STPG4: variants seen among roughly 807,000 people sequenced by gnomAD.
The protein encoded by STPG4 is sperm-tail PG-rich repeat containing 4, also known as protein STPG4.
In STPG4, 41 loss-of-function variants were observed where a neutral mutation model predicts 31.5. The observed-to-expected ratio is 1.30, with a 90% confidence interval of 1.01 to 1.69. The LOEUF (loss-of-function observed/expected upper bound fraction) is 1.69, where lower values mean the gene tolerates loss of function less well. Ranked by LOEUF, STPG4 falls within the 40% of genes most tolerant of loss-of-function variation. The pLI, the probability that STPG4 is intolerant of heterozygous loss-of-function variation, is 0.00. For missense variants in STPG4, 375 were observed against 293.4 expected (o/e 1.28, Z -2.03); for synonymous variants, 141 against 103.0 (o/e 1.37, Z -2.24).
At chr2:47,104,745 A>C (rs940850056) in intron 5 of STPG4, among the ~76,000 whole-genome samples, 1 of 151,940 alleles carries the variant, frequency 6.6e-6, no homozygotes, top group African/African-American at 2.4e-5. Context: ...CCAGTTTGGA[A>C]GCCTCATGCC....
intron 3 of STPG4, among the ~76,000 whole-genome samples, chr2:47,138,118 A>C (rs917231347): frequency 6.6e-6 from 1 of 152,052 alleles, no homozygotes; most frequent in Non-Finnish European, 1.5e-5. Context: ...CAATACTATA[A>C]ATTTCCCTCT....
chr2:47,100,229 C>G (rs1359791671), intron 5 of STPG4, among the ~76,000 whole-genome samples: 2 of 151,990 alleles, frequency 1.3e-5, no homozygotes, highest in Non-Finnish European at 2.9e-5. Context: ...ACCTTTATGT[C>G]TAGCTCAGGG....
At chr2:47,090,015 C>A (rs1217741735) in intron 6 of STPG4, among the ~76,000 whole-genome samples, 1 of 152,234 alleles carries the variant, frequency 6.6e-6, no homozygotes, top group Non-Finnish European at 1.5e-5. Context: ...CTGCTTCCAA[C>A]TGGCCCCATA....
At chr2:47,149,011 C>T (rs368344246) in intron 3 of STPG4, among the ~76,000 whole-genome samples, 2 of 152,308 alleles carry the variant, frequency 1.3e-5, no homozygotes, top group African/African-American at 4.8e-5. Flanking sequence ...CATACTATAT[C>T]TACCCCAAAT....
intron 5 of STPG4, among the ~76,000 whole-genome samples, chr2:47,117,668 C>A (rs1023143467): frequency 6.6e-6 from 1 of 152,146 alleles, no homozygotes; most frequent in African/African-American, 2.4e-5. Context: ...GGATAACTGA[C>A]CTTAGACTAT....
In STPG4 at chr2:47,105,181, G is replaced by A. The variant is rs576723137; in HGVS notation, c.520-14807C>T. On this transcript the variant is annotated intron_variant, in intron 5 of 6. Transcript: ENST00000445927. ...CTCTTTATACGTCACAGAGAGAGCC[G>A]GGATAGCTCTTGGAGTCCTTACTCA... Among the ~76,000 whole-genome samples, 15 of 152,002 alleles carry A rather than the reference G, an allele frequency of 9.9e-5. 1 individual carries two copies. The highest frequency in any genetic ancestry group is 4.2e-4 in the South Asian group (2 of 4,802).
At chr2:47,136,487 C>G (rs1051863839) in intron 3 of STPG4, among the ~76,000 whole-genome samples, 4 of 152,266 alleles carry the variant, frequency 2.6e-5, no homozygotes, top group African/African-American at 7.2e-5. Context: ...TGTTGTTTTC[C>G]TCATTTAGAT....
intron 3 of STPG4, among the ~76,000 whole-genome samples, chr2:47,141,398 A>G (rs1168752196): frequency 1.3e-5 from 2 of 151,994 alleles, no homozygotes; most frequent in Non-Finnish European, 2.9e-5. Context: ...TTTCACCAAT[A>G]TCTTGTAATT....
At chr2:47,105,156 C>G (rs1323968014) in intron 5 of STPG4, among the ~76,000 whole-genome samples, 1 of 152,042 alleles carries the variant, frequency 6.6e-6, no homozygotes, top group South Asian at 2.1e-4. Flanking sequence ...GACAGAACTT[C>G]TCTTTATACG....
chr2:47,123,337 G>C (rs1686310541), intron 5 of STPG4, among the ~76,000 whole-genome samples: 1 of 152,040 alleles, frequency 6.6e-6, no homozygotes, highest in African/African-American at 2.4e-5. Context: ...ATGATCTATT[G>C]AATATCTCTA....
intron 3 of STPG4, among the ~76,000 whole-genome samples, chr2:47,146,567 A>AG (rs1686824385): frequency 6.7e-6 from 1 of 148,942 alleles, no homozygotes; most frequent in Admixed American, 6.7e-5. Context: ...CTCTACTGAA[A>AG]AAAAAAAAAA....
intron 3 of STPG4, among the ~76,000 whole-genome samples, chr2:47,133,568 A>ATTTTTTTTTTTTTT (rs1347133934): frequency 2.8e-5 from 1 of 36,324 alleles, no homozygotes; most frequent in Non-Finnish European, 7.4e-5. Context: ...AGGCACTCAA[A>ATTTTTTTTTTTTTT]TCTTTTTTTT....
In STPG4 at chr2:47,096,557, C is replaced by T. The variant is rs1685673041; in HGVS notation, c.520-6183G>A. On this transcript the variant is annotated intron_variant, in intron 5 of 6. Coordinates refer to ENST00000445927, the MANE Select transcript of STPG4 (RefSeq NM_001163561.2). ...TTAGTGGTCGCCGAGATATCTTCAT[C>T]TGTGTGCAAGTTAACAGTAGGAATT... Among the ~76,000 whole-genome samples, 4 of 152,228 alleles carry T rather than the reference C, an allele frequency of 2.6e-5. No homozygotes were observed. The South Asian group carries it at 8.3e-4, about 32-fold the overall frequency.
intron 5 of STPG4, among the ~76,000 whole-genome samples, chr2:47,117,220 T>C (rs1017494771): frequency 2.6e-5 from 4 of 152,146 alleles, no homozygotes; most frequent in Admixed American, 1.3e-4. Context: ...TTTGTTTTTG[T>C]TTTTTTGAGA....
At chr2:47,090,216 C>G in intron 6 of STPG4, 54 bp downstream of exon 6, 1 of 1,261,258 alleles carries the variant, frequency 7.9e-7, no homozygotes. Flanking sequence ...GAAAACCTAC[C>G]ACCATAACCA....
chr2:47,146,349 C>G (rs1017269246), intron 3 of STPG4, among the ~76,000 whole-genome samples: 1 of 152,080 alleles, frequency 6.6e-6, no homozygotes, highest in Non-Finnish European at 1.5e-5. Context: ...CCCGCCCCAC[C>G]CAACCACAAC....
At position 47,146,292 on chromosome 2, in the gene STPG4, G is replaced by T. The variant is rs551527694; in HGVS notation, c.399+4966C>A. On this transcript the variant is annotated intron_variant, in intron 3 of 6. Coordinates refer to ENST00000445927, the MANE Select transcript of STPG4 (RefSeq NM_001163561.2). ...ACAACTGGAAAAGTAGATTGCTAAT[G>T]ATACTTAATGAGTAGAGGCCAGGTG... Among the ~76,000 whole-genome samples the T allele has an allele frequency of 3.9e-5, 6 of 152,276 alleles. No individual in the cohort carries two copies. In the South Asian group the frequency reaches 1.2e-3, roughly 32 times the overall value.
At chr2:47,091,118 G>A (rs900714460) in intron 5 of STPG4, among the ~76,000 whole-genome samples, 6 of 150,262 alleles carry the variant, frequency 4.0e-5, no homozygotes, top group African/African-American at 7.4e-5. Flanking sequence ...AAGGAAGAAA[G>A]GGAGGGAGAA....
chr2:47,103,963 A>G (rs1480358489), intron 5 of STPG4, among the ~76,000 whole-genome samples: 1 of 152,006 alleles, frequency 6.6e-6, no homozygotes, highest in African/African-American at 2.4e-5. Flanking sequence ...GTCTGTAACC[A>G]GGTATTTCTC....
Sources: gnomAD v4.1 joint callset for allele counts (sites outside exome capture counted in the v4.1 genomes callset) on GRCh38, gnomAD v4.1.1 for gene constraint, MANE v1.5 for transcripts, NCBI Gene and HGNC (gene_info 2026-07-23, HGNC 2026-07-21) for gene names.